The following CDH18 variants were observed in gnomAD, a reference collection of about 807,000 sequenced individuals.
CDH18 encodes cadherin 18.
CDH18 carries 31 observed loss-of-function variants against 67.9 expected under a neutral mutation model. The ratio of observed to expected loss-of-function variants is 0.46; its 90% CI spans 0.34 to 0.62. CDH18 has a LOEUF of 0.62. Ranked by LOEUF, CDH18 falls within the 20% of genes least tolerant of loss-of-function variation. The pLI, the probability that CDH18 is intolerant of heterozygous loss-of-function variation, is 0.01. For synonymous variants in CDH18, 362 were observed against 347.2 expected, an observed-to-expected ratio of 1.04 and a Z score of -0.48; for missense variants, 890 against 975.5, an observed-to-expected ratio of 0.91 and a Z score of 1.17.
intron 6 of CDH18, among the ~76,000 whole-genome samples, chr5:19,607,720 G>A (rs1373975118): frequency 6.6e-6 from 1 of 151,042 alleles, no homozygotes; most frequent in Non-Finnish European, 1.5e-5. Flanking sequence ...AAAAATATTA[G>A]CTAAGTGGTC....
At chr5:19,989,148 A>G (rs1210843224), upstream of CDH18, among the ~76,000 whole-genome samples, 1 of 152,180 alleles carries the variant, frequency 6.6e-6, no homozygotes, top group East Asian at 1.9e-4. Context: ...ACACTCACCC[A>G]TTGAGCACAT....
chr5:19,934,075 T>C, intron 2 of CDH18, among the ~76,000 whole-genome samples: 1 of 151,314 alleles, frequency 6.6e-6, no homozygotes, highest in Admixed American at 6.6e-5. Flanking sequence ...CCAGGATTAT[T>C]TTCCCCACTT....
intron 2 of CDH18, among the ~76,000 whole-genome samples, chr5:20,179,970 C>A (rs970812564): frequency 7.9e-5 from 12 of 152,020 alleles, no homozygotes; most frequent in African/African-American, 2.7e-4. Context: ...TGTAGGAAGA[C>A]CCCCTGAAAC....
chr5:20,420,154 G>C (rs972867320), intron 1 of CDH18, among the ~76,000 whole-genome samples: 3 of 151,038 alleles, frequency 2.0e-5, no homozygotes. Flanking sequence ...GGTAAGACGC[G>C]ATACAATCAG....
At chr5:19,755,462 C>CACACATATATAT (rs1554024420) in intron 3 of CDH18, among the ~76,000 whole-genome samples, 17 of 79,258 alleles carry the variant, frequency 2.1e-4, no homozygotes, top group African/African-American at 6.5e-4. Context: ...TATATATACA[C>CACACATATATAT]ACACACACAC....
intron 2 of CDH18, among the ~76,000 whole-genome samples, chr5:20,084,201 G>T (rs1347259406): frequency 6.6e-6 from 1 of 152,164 alleles, no homozygotes; most frequent in Non-Finnish European, 1.5e-5. Flanking sequence ...GCCTTTACAA[G>T]TGGGAGACAT....
At chr5:19,763,619 G>A (rs1580779) in intron 3 of CDH18, among the ~76,000 whole-genome samples, 146,542 of 152,222 alleles carry the variant, frequency 0.96, 70,764 homozygotes, top group Middle Eastern at 1. Flanking sequence ...TTCACAAGAG[G>A]CATTTTATTG....
At chr5:20,280,291 T>C (rs549079452) in intron 1 of CDH18, among the ~76,000 whole-genome samples, 1 of 152,130 alleles carries the variant, frequency 6.6e-6, no homozygotes, top group Admixed American at 6.6e-5. Context: ...CATGTGCCAT[T>C]TTGGTGTGCT....
Position 19,747,113 on chromosome 5 carries a change from T to C in CDH18, c.352A>G (p.Arg118Gly). The C allele has an allele frequency of 6.2e-7, 1 of 1,614,146 alleles. No homozygotes were observed. The highest frequency in any genetic ancestry group is 8.5e-7 in the Non-Finnish European group (1 of 1,180,016). ...GDIHSTKSLD[R>G]EQKTHYVLHA... ...AGCACATAGTGGGTCTTCTGCTCTC[T>C]GTCTAGGCTTTTTGTTGAGTGGATA... The change falls in exon 4 of 13, where the codon AGA (arginine) becomes GGA (glycine). Residue 118 changes from arginine to glycine, a missense_variant. Transcript: ENST00000382275.
intron 1 of CDH18, among the ~76,000 whole-genome samples, chr5:20,308,375 T>C (rs775674814): frequency 6.6e-4 from 101 of 151,892 alleles, no homozygotes; most frequent in Non-Finnish European, 1.2e-3. Flanking sequence ...AAACCCCATC[T>C]CTACTAAAAT....
chr5:20,147,519 A>G (rs981129090), intron 2 of CDH18, among the ~76,000 whole-genome samples: 1 of 152,110 alleles, frequency 6.6e-6, no homozygotes. Context: ...TTTTCATCCC[A>G]ATGTGTACCA....
At chr5:20,509,835 T>G (rs1754917481) in intron 1 of CDH18, among the ~76,000 whole-genome samples, 1 of 152,232 alleles carries the variant, frequency 6.6e-6, no homozygotes, top group Non-Finnish European at 1.5e-5. Flanking sequence ...CTATTGTGAA[T>G]AGTGCTGCAG....
intron 1 of CDH18, among the ~76,000 whole-genome samples, chr5:20,271,550 C>A (rs1338230172): frequency 6.6e-6 from 1 of 151,860 alleles, no homozygotes; most frequent in Non-Finnish European, 1.5e-5. Context: ...GAAATAGGTA[C>A]AATGATTACG....
chr5:19,500,870 C>T (rs917604304), intron 11 of CDH18, among the ~76,000 whole-genome samples: 1 of 152,078 alleles, frequency 6.6e-6, no homozygotes, highest in Non-Finnish European at 1.5e-5. Context: ...GTAGCTCACA[C>T]CTGTAATCCC....
chr5:19,861,109 A>C (rs144388186), intron 2 of CDH18, among the ~76,000 whole-genome samples: 3 of 152,320 alleles, frequency 2.0e-5, no homozygotes, highest in Non-Finnish European at 4.4e-5. Flanking sequence ...AAGTGTTCCC[A>C]TTGAGGACCT....
intron 2 of CDH18, among the ~76,000 whole-genome samples, chr5:19,929,475 G>A (rs932004497): frequency 1.3e-5 from 2 of 152,180 alleles, no homozygotes; most frequent in South Asian, 2.1e-4. Flanking sequence ...ATGTTGAGAC[G>A]AAGAATAAAT....
Position 20,062,626 on chromosome 5 carries a change from G to A in CDH18, c.-517-70612C>T, listed in dbSNP as rs1742600892. Among the ~76,000 whole-genome samples the A allele has an allele frequency of 1.3e-5, 2 of 152,236 alleles. 1 individual carries two copies. Among genetic ancestry groups the A allele is most frequent in the South Asian group, 4.1e-4 (2 of 4,826 alleles). On this transcript the variant is annotated intron_variant, in intron 2 of 14. Coordinates refer to the CDH18 transcript ENST00000507958. ...AACTGTCTTATAAGCTAATGGAGAT[G>A]GCACTGATTTTTTTCTAGATTAACC... is the stretch of plus-strand genomic sequence containing the variant.
chr5:20,305,526 G>C, intron 1 of CDH18: 4 of 886,540 alleles, frequency 4.5e-6, no homozygotes, highest in Non-Finnish European at 7.6e-6. Flanking sequence ...CAGCGGCGCA[G>C]GGGTCTCGAG....
intron 1 of CDH18, among the ~76,000 whole-genome samples, chr5:20,533,576 C>A (rs533685710): frequency 3.4e-4 from 52 of 152,170 alleles, no homozygotes; most frequent in African/African-American, 1.2e-3. Context: ...AAAGTTGTTA[C>A]TTCATTGAAG....
Sources: allele counts gnomAD v4.1 joint callset (sites outside exome capture counted in the v4.1 genomes callset), GRCh38; gene constraint gnomAD v4.1.1; transcripts MANE v1.5; gene names NCBI Gene and HGNC (gene_info 2026-07-23, HGNC 2026-07-21).